Variants in SLC25A43 observed in about 807,000 individuals in gnomAD.
SLC25A43 encodes the protein solute carrier family 25, member 43.
Under a neutral mutation model 22.8 loss-of-function variants are expected in SLC25A43, and 10 were observed. The observed-to-expected ratio is 0.44, with a 90% CI of 0.27 to 0.74. SLC25A43 has a LOEUF of 0.74. Among genes scored for constraint, SLC25A43 ranks in the 30% least tolerant of loss-of-function variants. The pLI is 0.17. For synonymous variants in SLC25A43, 106 were observed against 121.6 expected (o/e 0.87, Z 0.84); for missense variants, 233 against 279.1 (o/e 0.83, Z 1.18).
chrX:119,416,898 A>G (rs938610198), intron 3 of SLC25A43, among the ~76,000 whole-genome samples: 1 of 112,583 alleles, frequency 8.9e-6, no homozygotes, highest in Non-Finnish European at 1.9e-5. Context: ...CTCTTAAAAA[A>G]TCTGGGGAGA....
intron 3 of SLC25A43, among the ~76,000 whole-genome samples, chrX:119,430,222 G>A (rs757975333): frequency 5.3e-5 from 6 of 112,382 alleles, no homozygotes; most frequent in Non-Finnish European, 1.1e-4. Context: ...GGGTTGGTTT[G>A]TTCTTCAGCA....
intron 3 of SLC25A43, among the ~76,000 whole-genome samples, chrX:119,413,238 C>T (rs2052366837): frequency 9.0e-6 from 1 of 111,156 alleles, no homozygotes; most frequent in African/African-American, 3.3e-5. Context: ...TTGGGACATA[C>T]AGAAAAGTGC....
chrX:119,451,827 T>G, intron 3 of SLC25A43, 182 bp from the exon 4 acceptor site: 1 of 1,070,800 alleles, frequency 9.3e-7, no homozygotes, highest in Non-Finnish European at 1.2e-6. Context: ...ATGATTGTAT[T>G]GCACGTTAAT....
At chrX:119,404,142 C>T (rs1206499464) in intron 1 of SLC25A43, among the ~76,000 whole-genome samples, 3 of 110,242 alleles carry the variant, frequency 2.7e-5, no homozygotes, top group Non-Finnish European at 3.8e-5. Context: ...GGATTACAGG[C>T]GCCCGCCACC....
At chrX:119,418,410 C>G (rs915860289) in intron 3 of SLC25A43, among the ~76,000 whole-genome samples, 4 of 111,943 alleles carry the variant, frequency 3.6e-5, no homozygotes, top group African/African-American at 1.3e-4. Context: ...CACTGCCTGT[C>G]ATGAAGCAAA....
At chrX:119,425,627 G>GAAAA (rs58579795) in intron 3 of SLC25A43, among the ~76,000 whole-genome samples, 67 of 85,426 alleles carry the variant, frequency 7.8e-4, no homozygotes, top group African/African-American at 2.5e-3. Context: ...TTAGCAGTCA[G>GAAAA]AAAAAAAAAA....
intron 4 of SLC25A43, 27 bp from the exon 5 acceptor site, chrX:119,452,838 C>T: frequency 3.4e-6 from 4 of 1,163,012 alleles, no homozygotes; most frequent in Non-Finnish European, 4.7e-6. Context: ...AAGAACTTAA[C>T]TTGATTTTCA....
chrX:119,408,064 C>T (rs1174230425), intron 2 of SLC25A43, among the ~76,000 whole-genome samples: 4 of 110,605 alleles, frequency 3.6e-5, no homozygotes, highest in Non-Finnish European at 7.6e-5. Context: ...CATCGTTTCA[C>T]GGCCCTCATT....
intron 3 of SLC25A43, among the ~76,000 whole-genome samples, chrX:119,443,902 A>G (rs1286982152): frequency 3.7e-5 from 4 of 107,759 alleles, no homozygotes; most frequent in Non-Finnish European, 7.7e-5. Flanking sequence ...CTACAGGTAC[A>G]TGCCATCATG....
Position 119,406,598 on chromosome X carries a change from C to T in SLC25A43, c.414C>T (p.Asn138=), listed in dbSNP as rs774416276. 1 of 1,211,974 alleles carries T rather than the reference C, an allele frequency of 8.3e-7. No homozygotes were observed. Among genetic ancestry groups the T allele is most frequent in the Admixed American group, 2.2e-5 (1 of 46,075 alleles). ...TCAAAACCCGGTTGATCATGCAGAA[C>T]ATACTGGAACCATCGTACAGGGGGC... is the stretch of plus-strand genomic sequence containing the variant. ...DLIKTRLIMQ[N]ILEPSYRGLL... is the part of the protein sequence containing the mutation. Residue 138 remains asparagine (N), a synonymous_variant, in exon 2 of 5, where the codon AAC becomes AAT. Transcript: ENST00000217909.
intron 1 of SLC25A43, among the ~76,000 whole-genome samples, chrX:119,401,446 T>C (rs2052236660): frequency 1.8e-5 from 2 of 111,517 alleles, no homozygotes; most frequent in Admixed American, 1.9e-4. Context: ...TAATGTGCTC[T>C]AGAAATGTAC....
In SLC25A43 at chrX:119,410,200, G is replaced by A. The variant is rs749429476; in HGVS notation, c.528G>A (p.Pro176=). ...GVSLTVVGAL[P]FSAGSLLVYM... ...GGCCTTGTTTTGCAGGTGCTCTCCC[G>A]TTCTCTGCTGGCTCCCTTCTTGTTT... Residue 176 remains proline (P), a synonymous_variant, in exon 3 of 5, where the codon CCG becomes CCA. Transcript: ENST00000217909. The A allele has an allele frequency of 1.8e-5, 22 of 1,208,035 alleles. No individual in the cohort carries two copies. The highest frequency in any genetic ancestry group is 4.4e-5 in the Admixed American group (2 of 45,471).
At chrX:119,431,734 TC>T (rs2052553789) in intron 3 of SLC25A43, among the ~76,000 whole-genome samples, 1 of 111,166 alleles carries the variant, frequency 9.0e-6, no homozygotes, top group South Asian at 3.8e-4. Context: ...GAGTGAAAGA[TC>T]CTGAAGAGCT....
chrX:119,403,557 G>A (rs1569364474), intron 1 of SLC25A43, among the ~76,000 whole-genome samples: 1 of 111,888 alleles, frequency 8.9e-6, no homozygotes, highest in East Asian at 2.8e-4. Flanking sequence ...CAAAGTGCTG[G>A]GATTACAGGC....
intron 3 of SLC25A43, among the ~76,000 whole-genome samples, chrX:119,435,558 C>T (rs1448047390): frequency 3.5e-5 from 2 of 57,540 alleles, no homozygotes; most frequent in Non-Finnish European, 6.2e-5. Context: ...CATGCTGGTG[C>T]GCTGCACCCA....
At chrX:119,401,002 G>T (rs1275782678) in intron 1 of SLC25A43, among the ~76,000 whole-genome samples, 1 of 111,366 alleles carries the variant, frequency 9.0e-6, no homozygotes, top group Non-Finnish European at 1.9e-5. Context: ...AGGGGTGGGG[G>T]GCAGAACTTC....
chrX:119,424,383 G>GT (rs1253379615), intron 3 of SLC25A43, among the ~76,000 whole-genome samples: 1 of 111,537 alleles, frequency 9.0e-6, no homozygotes, highest in Admixed American at 9.5e-5. Context: ...GGCACAAGGT[G>GT]TAAGTCACTT....
At chrX:119,447,425 C>A (rs937893897) in intron 3 of SLC25A43, among the ~76,000 whole-genome samples, 4 of 110,796 alleles carry the variant, frequency 3.6e-5, no homozygotes, top group African/African-American at 9.9e-5. Context: ...CCCACCTCAG[C>A]CCCCCCAAGT....
At chrX:119,442,924 T>C (rs1415742825) in intron 3 of SLC25A43, among the ~76,000 whole-genome samples, 2 of 111,613 alleles carry the variant, frequency 1.8e-5, no homozygotes, top group Non-Finnish European at 3.8e-5. Flanking sequence ...GCACCAGTCA[T>C]GTGTCAGCTG....
Sources: gnomAD v4.1 joint callset for allele counts (sites outside exome capture counted in the v4.1 genomes callset) on GRCh38, gnomAD v4.1.1 for gene constraint, MANE v1.5 for transcripts, NCBI Gene and HGNC (gene_info 2026-07-23, HGNC 2026-07-21) for gene names.